The following CTNND2 variants were observed in gnomAD, a reference collection of about 807,000 sequenced individuals.
CTNND2 encodes the protein catenin delta 2.
In CTNND2, 22 loss-of-function variants were observed where a neutral mutation model predicts 144.4. The observed-to-expected ratio is 0.15, with a 90% CI of 0.11 to 0.22. The LOEUF is 0.22. CTNND2 is among the 10% of genes least tolerant of loss of function. The pLI is 1.00. For synonymous variants in CTNND2, 751 were observed against 695.6 expected (o/e 1.08, Z -1.25); for missense variants, 1,353 against 1,618.8 (o/e 0.84, Z 2.82).
intron 10 of CTNND2, among the ~76,000 whole-genome samples, chr5:11,212,186 T>A (rs61751773): frequency 1.2e-4 from 19 of 152,232 alleles, no homozygotes; most frequent in African/African-American, 4.6e-4. Context: ...CCAGTTTTGT[T>A]CAGTTCAGCT....
chr5:11,192,592 T>C (rs1301197589), intron 11 of CTNND2, among the ~76,000 whole-genome samples: 1 of 152,044 alleles, frequency 6.6e-6, no homozygotes, highest in Non-Finnish European at 1.5e-5. Context: ...AATGTGACCA[T>C]GGAGGACTCA....
At chr5:11,152,680 G>A (rs2149755462) in intron 12 of CTNND2, among the ~76,000 whole-genome samples, 1 of 152,238 alleles carries the variant, frequency 6.6e-6, no homozygotes, top group Admixed American at 6.5e-5. Context: ...TGCTGAGATG[G>A]GCAGCCAACT....
chr5:11,879,934 A>C (rs1451903038), intron 1 of CTNND2, among the ~76,000 whole-genome samples: 5 of 152,062 alleles, frequency 3.3e-5, no homozygotes, highest in African/African-American at 9.7e-5. Context: ...CATACGACTC[A>C]ATTTTCCAGG....
chr5:11,705,637 T>C (rs79108789), intron 2 of CTNND2, among the ~76,000 whole-genome samples: 1 of 152,244 alleles, frequency 6.6e-6, no homozygotes, highest in Admixed American at 6.5e-5. Flanking sequence ...AACAGCTGAG[T>C]TGAGCTTAGC....
At position 11,845,231 on chromosome 5, in the gene CTNND2, T is replaced by C. The variant is rs937536944; in HGVS notation, c.37+58586A>G. Among the ~76,000 whole-genome samples the C allele has an allele frequency of 5.3e-5, 8 of 152,314 alleles. No individual in the cohort carries two copies. The East Asian group carries it at 5.8e-4, about 11-fold the overall frequency. ...TTTATAAAATCAGGGTCTAAACATC[T>C]TGTTTTCTTTTTTTATTAACTGCTA... is the stretch of plus-strand genomic sequence containing the variant. On this transcript the variant is annotated intron_variant, in intron 1 of 21. Coordinates refer to ENST00000304623, the MANE Select transcript of CTNND2 (RefSeq NM_001332.4).
At chr5:11,404,855 C>T (rs1760961788) in intron 5 of CTNND2, among the ~76,000 whole-genome samples, 1 of 152,048 alleles carries the variant, frequency 6.6e-6, no homozygotes, top group South Asian at 2.1e-4. Context: ...AGTGATCTGC[C>T]TGCCTTGGCC....
intron 6 of CTNND2, among the ~76,000 whole-genome samples, chr5:11,394,746 G>A (rs750028979): frequency 6.6e-6 from 1 of 152,166 alleles, no homozygotes; most frequent in Non-Finnish European, 1.5e-5. Context: ...TGTAGATCCT[G>A]GTGATGATCA....
chr5:11,755,602 T>C (rs986274779), intron 1 of CTNND2, among the ~76,000 whole-genome samples: 2 of 151,048 alleles, frequency 1.3e-5, no homozygotes, highest in Non-Finnish European at 3.0e-5. Context: ...TTGGTCTCTT[T>C]ACATAATCCC....
In CTNND2 at chr5:11,568,028, C is replaced by T. The variant is rs151170830; in HGVS notation, c.175-2972G>A. On this transcript the variant is annotated intron_variant, in intron 2 of 21. Transcript: ENST00000304623. The stretch of plus-strand genomic sequence containing the variant: ...GAGCAGAACAGCATGTAGTCTAGGG[C>T]TAATCATCCTGCCCTATGAAGGCAA... Among the ~76,000 whole-genome samples, 610 of 152,276 alleles carry T rather than the reference C, an allele frequency of 4.0e-3. 3 individuals are homozygous for T. The highest frequency in any genetic ancestry group is 0.014 in the African/African-American group (577 of 41,562).
intron 15 of CTNND2, among the ~76,000 whole-genome samples, chr5:11,085,297 A>G (rs1443025836): frequency 1.3e-5 from 2 of 152,194 alleles, no homozygotes; most frequent in Non-Finnish European, 2.9e-5. Context: ...CAGACAATAG[A>G]TTTGATATTT....
rs61751811 is a variant in CTNND2 at position 11,190,029 on chromosome 5, A to T, written c.1975+9419T>A. On this transcript the variant is annotated intron_variant, in intron 11 of 21. Coordinates refer to ENST00000304623, the MANE Select transcript of CTNND2 (RefSeq NM_001332.4). ...AGATAATCCTAAAATGTTCAAAATG[A>T]CAGGAGACAAGAATGGGCAATGTCT... Among the ~76,000 whole-genome samples the T allele has an allele frequency of 8.3e-3, 1,268 of 152,316 alleles. 9 individuals are homozygous for T. The highest frequency in any genetic ancestry group is 0.012 in the Non-Finnish European group (828 of 68,032).
intron 3 of CTNND2, among the ~76,000 whole-genome samples, chr5:11,457,273 G>A (rs528159288): frequency 1.6e-4 from 24 of 152,098 alleles, no homozygotes; most frequent in Non-Finnish European, 2.5e-4. Context: ...GCATGGTGGT[G>A]CATGCCTGTA....
chr5:11,252,279 A>C (rs1370801224), intron 9 of CTNND2, among the ~76,000 whole-genome samples: 1 of 152,202 alleles, frequency 6.6e-6, no homozygotes, highest in African/African-American at 2.4e-5. Flanking sequence ...AGAGAAAGCA[A>C]ACAAACTCAG....
chr5:11,525,488 T>C (rs1773160119), intron 3 of CTNND2, among the ~76,000 whole-genome samples: 1 of 152,214 alleles, frequency 6.6e-6, no homozygotes. Context: ...TCTCAGCCTT[T>C]GTAAATAAGG....
At chr5:11,697,278 A>C (rs2400081) in intron 2 of CTNND2, among the ~76,000 whole-genome samples, 1 of 152,164 alleles carries the variant, frequency 6.6e-6, no homozygotes, top group Non-Finnish European at 1.5e-5. Flanking sequence ...ATTGCCCCCC[A>C]AAAATTTGGA....
intron 9 of CTNND2, among the ~76,000 whole-genome samples, chr5:11,304,578 T>G (rs1749982033): frequency 6.6e-6 from 1 of 152,214 alleles, no homozygotes; most frequent in Non-Finnish European, 1.5e-5. Flanking sequence ...GTTTTGTTTT[T>G]TATTAAACTG....
chr5:11,702,479 C>A (rs1043198916), intron 2 of CTNND2, among the ~76,000 whole-genome samples: 1 of 152,152 alleles, frequency 6.6e-6, no homozygotes. Context: ...GCCCCATGTT[C>A]ATATTAGTTA....
At chr5:11,190,520 C>T (rs529277432) in intron 11 of CTNND2, among the ~76,000 whole-genome samples, 11 of 152,340 alleles carry the variant, frequency 7.2e-5, no homozygotes, top group Admixed American at 2.0e-4. Context: ...GCTAAAAGGC[C>T]TGGAGTCTGG....
intron 18 of CTNND2, among the ~76,000 whole-genome samples, chr5:11,014,853 A>T (rs991430694): frequency 6.6e-6 from 1 of 151,976 alleles, no homozygotes; most frequent in African/African-American, 2.4e-5. Context: ...CTCCCCTCAC[A>T]CTTTCCCTTT....
Sources: allele counts gnomAD v4.1 joint callset (sites outside exome capture counted in the v4.1 genomes callset), GRCh38; gene constraint gnomAD v4.1.1; transcripts MANE v1.5; gene names NCBI Gene and HGNC (gene_info 2026-07-23, HGNC 2026-07-21).